Variants in RIMBP2 observed in about 807,000 individuals in gnomAD.
RIMBP2 encodes RIMS-binding protein 2.
RIMBP2 carries 48 observed loss-of-function variants against 118.6 expected under a neutral mutation model. The observed-to-expected ratio is 0.40, with a 90% CI of 0.32 to 0.51. RIMBP2 has a LOEUF of 0.51. Ranked by LOEUF, RIMBP2 falls within the 20% of genes least tolerant of loss-of-function variation. The pLI is 0.41. For missense variants in RIMBP2, 1,551 were observed against 1,768.3 expected, an observed-to-expected ratio of 0.88 and a Z score of 2.20; for synonymous variants, 762 against 742.9, an observed-to-expected ratio of 1.03 and a Z score of -0.42.
rs990185866 is a variant in RIMBP2 at position 130,523,064 on chromosome 12, CTCTCTG to C, written c.-216-5153_-216-5148del. Among the ~76,000 whole-genome samples the C allele has an allele frequency of 9.2e-5, 14 of 151,964 alleles. No homozygotes were observed. Among genetic ancestry groups the C allele is most frequent in the African/African-American group, 3.4e-4 (14 of 41,348 alleles). On this transcript the variant is annotated intron_variant, in intron 2 of 22. Coordinates refer to ENST00000690449, the MANE Select transcript of RIMBP2 (RefSeq NM_001393629.1). This position sits in a 1 kb window ranked among gnomAD's most constrained non-coding sequence, Gnocchi z 4.4. ...TGGCTCTGTCTCTATGTCTCTCTGC[CTCTCTG>C]TCTCTGTCTCCACGTCTCTGTTTCT...
At position 130,587,031 on chromosome 12, in the gene RIMBP2, C is replaced by T. The variant is rs1437937498; in HGVS notation, c.-217+41291G>A. 2.1e-3 allele frequency among the ~76,000 whole-genome samples: 231 copies of T among 111,284 alleles called. 3 individuals are homozygous for T. The highest frequency in any genetic ancestry group is 3.9e-3 in the Admixed American group (41 of 10,410). The allele number at this position is 111,284 out of a possible 152,430, so 73.0% of individuals were successfully genotyped here. On this transcript the variant is annotated intron_variant, in intron 2 of 22. Coordinates refer to ENST00000690449, the MANE Select transcript of RIMBP2 (RefSeq NM_001393629.1). Reference sequence around the variant, plus strand: ...AAAGTGGGCGAAGGACATGAACAGACACTTCTCAAAAGAAGACATTTATGC... The same window carrying T: ...AAAGTGGGCGAAGGACATGAACAGATACTTCTCAAAAGAAGACATTTATGC...
intron 1 of RIMBP2, among the ~76,000 whole-genome samples, chr12:130,699,467 C>T (rs1253188601): frequency 6.6e-6 from 1 of 150,992 alleles, no homozygotes; most frequent in African/African-American, 2.4e-5. Flanking sequence ...TCTCAGCAAA[C>T]TATTGCAAGG....
chr12:130,522,410 G>C (rs1206811605), intron 2 of RIMBP2, among the ~76,000 whole-genome samples: 1 of 152,188 alleles, frequency 6.6e-6, no homozygotes, highest in Non-Finnish European at 1.5e-5. Context: ...GGGCAGCTGC[G>C]ACCCTGTCCC....
intron 17 of RIMBP2, among the ~76,000 whole-genome samples, chr12:130,415,033 C>G (rs1366239889): frequency 6.6e-6 from 1 of 152,168 alleles, no homozygotes; most frequent in African/African-American, 2.4e-5. Context: ...GGAGAAAGGA[C>G]TCCACCCTAA....
chr12:130,504,406 C>CT (rs1173198271), intron 4 of RIMBP2, among the ~76,000 whole-genome samples: 1 of 152,154 alleles, frequency 6.6e-6, no homozygotes, highest in Admixed American at 6.5e-5. Flanking sequence ...GATTGAAACT[C>CT]TGTTGAGGTT....
At chr12:130,692,100 A>C (rs1249213165) in intron 1 of RIMBP2, among the ~76,000 whole-genome samples, 2 of 152,234 alleles carry the variant, frequency 1.3e-5, no homozygotes, top group Admixed American at 6.5e-5. Context: ...GCTGGTGTGC[A>C]GCTGAACTTG....
rs749705355 is a variant in RIMBP2, at chr12:130,434,713, T to G, written c.2253+21A>C. ...GCCCGCGCCCACCAGGAGGATGGTGTGGGGCCCGGCCCGCTCTCACCTGCT... is the reference window on the plus strand; with the variant it reads ...GCCCGCGCCCACCAGGAGGATGGTGGGGGGCCCGGCCCGCTCTCACCTGCT... On this transcript the variant is annotated intron_variant, in intron 14 of 22. Coordinates refer to ENST00000690449, the MANE Select transcript of RIMBP2 (RefSeq NM_001393629.1). The surrounding 1 kb of genome is among the most constrained non-coding windows in gnomAD (Gnocchi z 5.7). The G allele has an allele frequency of 1.2e-6, 2 of 1,606,686 alleles. No homozygotes were observed. The highest frequency in any genetic ancestry group is 2.2e-5 in the South Asian group (2 of 90,738).
intron 1 of RIMBP2, among the ~76,000 whole-genome samples, chr12:130,704,789 G>A (rs1275265992): frequency 1.3e-5 from 2 of 152,098 alleles, no homozygotes; most frequent in African/African-American, 2.4e-5. Flanking sequence ...GACGGGCCGA[G>A]GCTCCGGGGC....
intron 2 of RIMBP2, among the ~76,000 whole-genome samples, chr12:130,553,672 A>T (rs1218408066): frequency 1.3e-5 from 2 of 152,154 alleles, no homozygotes; most frequent in East Asian, 3.9e-4. Flanking sequence ...TGAGCCTGGA[A>T]GTTCAAGGCT....
At chr12:130,472,031 G>A (rs1405076992) in intron 5 of RIMBP2, 1 of 152,490 alleles carries the variant, frequency 6.6e-6, no homozygotes, top group Non-Finnish European at 1.5e-5. Flanking sequence ...CACCAGGAGG[G>A]TCAGGGCTGG....
chr12:130,590,753 T>C (rs1376646243), intron 2 of RIMBP2, among the ~76,000 whole-genome samples: 1 of 152,166 alleles, frequency 6.6e-6, no homozygotes, highest in Non-Finnish European at 1.5e-5. Flanking sequence ...GCTGATAGTT[T>C]TGAAGGAATG....
intron 2 of RIMBP2, among the ~76,000 whole-genome samples, chr12:130,610,577 T>C (rs997598983): frequency 3.1e-4 from 39 of 125,202 alleles, no homozygotes; most frequent in Non-Finnish European, 4.5e-4. Flanking sequence ...TTTTTTTTTT[T>C]TGAGACGGAG....
At chr12:130,715,042 G>A (rs1291517869) in intron 1 of RIMBP2, among the ~76,000 whole-genome samples, 1 of 152,146 alleles carries the variant, frequency 6.6e-6, no homozygotes, top group Non-Finnish European at 1.5e-5. Context: ...CCTGCCGCAG[G>A]GCCCAGAGCC....
In RIMBP2 at chr12:130,446,691, GGAGA is replaced by G. The variant is rs1466540973; in HGVS notation, c.582-1426_582-1423del. On this transcript the variant is annotated intron_variant, in intron 9 of 22. Coordinates refer to ENST00000690449, the MANE Select transcript of RIMBP2 (RefSeq NM_001393629.1). The surrounding 1 kb of genome is among the most constrained non-coding windows in gnomAD (Gnocchi z 4.1). ...ATGCGCCAAGGCCCAGAGGCAGGGA[GGAGA>G]GAGATGAGGTTGGCAGGGACCAGAC... 3.3e-5 allele frequency among the ~76,000 whole-genome samples: 5 copies of G among 152,346 alleles called. No homozygotes were observed. The East Asian group carries it at 9.6e-4, about 29-fold the overall frequency.
At chr12:130,567,536 G>A (rs2057312213) in intron 2 of RIMBP2, among the ~76,000 whole-genome samples, 1 of 152,202 alleles carries the variant, frequency 6.6e-6, no homozygotes, top group Non-Finnish European at 1.5e-5. Flanking sequence ...ACAGAACGGG[G>A]GAGAGGGAGG....
chr12:130,521,069 TG>T (rs945834077), intron 2 of RIMBP2, among the ~76,000 whole-genome samples: 3 of 151,948 alleles, frequency 2.0e-5, no homozygotes, highest in Non-Finnish European at 4.4e-5. Context: ...TTGCAGGCCT[TG>T]GGGGGGAAAT....
At position 130,434,344 on chromosome 12, in the gene RIMBP2, C is replaced by T. The variant is rs1354442802; in HGVS notation, c.2253+390G>A. 6.6e-6 allele frequency among the ~76,000 whole-genome samples: 1 copy of T among 152,116 alleles called. No homozygotes were observed. On this transcript the variant is annotated intron_variant, in intron 14 of 22. Transcript: ENST00000690449. The surrounding 1 kb of genome is among the most constrained non-coding windows in gnomAD (Gnocchi z 5.7). ...AACACTGACTGTGTTATTTTTGGCT[C>T]CCATGATGCCTCCCTAGCACACAGA...
At chr12:130,661,278 C>T (rs1001099501) in intron 1 of RIMBP2, among the ~76,000 whole-genome samples, 6 of 152,162 alleles carry the variant, frequency 3.9e-5, no homozygotes, top group African/African-American at 1.4e-4. Flanking sequence ...CACACCTTAG[C>T]CAATCGGAGG....
chr12:130,673,872 G>A (rs2064311661), intron 1 of RIMBP2, among the ~76,000 whole-genome samples: 1 of 151,984 alleles, frequency 6.6e-6, no homozygotes, highest in African/African-American at 2.4e-5. Flanking sequence ...CCTTTGGAAG[G>A]CCGAGGCAGG....
Sources: allele counts gnomAD v4.1 joint callset (sites outside exome capture counted in the v4.1 genomes callset), GRCh38; gene constraint gnomAD v4.1.1; non-coding constraint Gnocchi (gnomAD v3.1); transcripts MANE v1.5; gene names NCBI Gene and HGNC (gene_info 2026-07-23, HGNC 2026-07-21).